Variants in DPEP2 observed in about 807,000 individuals in gnomAD.
The protein encoded by DPEP2 is dipeptidase 2.
DPEP2 carries 45 observed loss-of-function variants against 51.8 expected under a neutral mutation model. That is an observed-to-expected ratio of 0.87 (90% CI 0.68 to 1.11). The LOEUF is 1.11. Ranked by LOEUF, DPEP2 falls within the 50% of genes most tolerant of loss-of-function variation. The probability of loss-of-function intolerance (pLI) is 0.00; values close to 1 mark genes in which losing one functional copy is unlikely to be tolerated. For missense variants in DPEP2, 604 were observed against 631.9 expected, an observed-to-expected ratio of 0.96 and a Z score of 0.47; for synonymous variants, 255 against 262.7, an observed-to-expected ratio of 0.97 and a Z score of 0.28.
At position 67,994,862 on chromosome 16, in the gene DPEP2, A is replaced by T. The variant is rs1054176658; in HGVS notation, c.-45-1605T>A. ...AGGCAGATCGATGGCCGAGTGCTCG[A>T]GGTGGGTTAACTGTCACGTCTACTG... On this transcript the variant is annotated intron_variant, in intron 1 of 10. Transcript: ENST00000393847. 3 of 985,312 alleles carry T rather than the reference A, an allele frequency of 3.0e-6. No homozygotes were observed. In the African/African-American group the frequency reaches 5.2e-5, roughly 17 times the overall value. 61.0% of individuals were successfully genotyped at this position (985,312 alleles called of 1,614,324 possible).
chr16:68,000,511 C>T (rs1260347547), upstream of DPEP2: 1 of 984,836 alleles, frequency 1.0e-6, no homozygotes. Context: ...CCTGGAGACT[C>T]ATGCTTCCCT....
chr16:67,993,361 G>A, intron 1 of DPEP2, 104 bp from the exon 2 acceptor site: 1 of 1,303,380 alleles, frequency 7.7e-7, no homozygotes, highest in Non-Finnish European at 9.7e-7. Context: ...AAGTCACAGG[G>A]CCCCGCGAAG....
At position 67,991,729 on chromosome 16, in the gene DPEP2, C is replaced by A; in HGVS notation, c.662+109G>T. On this transcript the variant is annotated intron_variant, in intron 5 of 10. Coordinates refer to ENST00000393847, the MANE Select transcript of DPEP2 (RefSeq NM_022355.4). The surrounding 1 kb of genome is among the most constrained non-coding windows in gnomAD (Gnocchi z 5.1). ...AGAATCCCAGCTCCCCTCCCCACTC[C>A]AGAGTCAGTGCCACATCCCATGGGT... The A allele has an allele frequency of 6.8e-7, 1 of 1,476,516 alleles. No individual in the cohort carries two copies. 91.5% of individuals were successfully genotyped at this position (1,476,516 alleles called of 1,614,324 possible). A position where few individuals can be genotyped will look rare whatever the true frequency, so the allele number is the denominator to read the frequency against.
rs1023720941 is a variant in DPEP2 at position 67,993,656 on chromosome 16, G to A, written c.-45-399C>T. Reference sequence around the variant, plus strand: ...TCTGCCCTGCCCTGGGAGATCTGCAGACCACGTCATGTCCCCAACCGCCTG... The same window carrying A: ...TCTGCCCTGCCCTGGGAGATCTGCAAACCACGTCATGTCCCCAACCGCCTG... On this transcript the variant is annotated intron_variant, in intron 1 of 10. Transcript: ENST00000393847. 8.1e-6 allele frequency: 8 copies of A among 989,332 alleles called. No homozygotes were observed. The African/African-American group carries it at 1.4e-4, about 17-fold the overall frequency. The allele number at this position is 989,332 out of a possible 1,614,324, so 61.3% of individuals were successfully genotyped here.
chr16:67,993,495 CCTGT>C (rs1188837001), intron 1 of DPEP2: 25 of 1,209,630 alleles, frequency 2.1e-5, no homozygotes, highest in Non-Finnish European at 2.6e-5. Flanking sequence ...CCACTCGCGG[CCTGT>C]CTTAGGGCCC....
intron 7 of DPEP2, among the ~76,000 whole-genome samples, 190 bp downstream of exon 7, chr16:67,990,631 T>C (rs575295572): frequency 6.6e-6 from 1 of 152,194 alleles, no homozygotes; most frequent in African/African-American, 2.4e-5. Flanking sequence ...ACCCGGCTAA[T>C]TTTTGTATTT....
At chr16:67,988,188 C>G in intron 9 of DPEP2, 1 of 616,244 alleles carries the variant, frequency 1.6e-6, no homozygotes, top group Non-Finnish European at 2.8e-6. Flanking sequence ...CTTATTGAAT[C>G]ATACTATTAA....
At chr16:67,993,336 A>C in intron 1 of DPEP2, 79 bp from the exon 2 acceptor site, 1 of 1,320,190 alleles carries the variant, frequency 7.6e-7, no homozygotes, top group Non-Finnish European at 9.7e-7. Flanking sequence ...GCGTGGCCTC[A>C]AGAGGAGGGT....
At chr16:67,996,293 A>G (rs2032692232) in intron 1 of DPEP2, among the ~76,000 whole-genome samples, 1 of 151,636 alleles carries the variant, frequency 6.6e-6, no homozygotes, top group Non-Finnish European at 1.5e-5. Flanking sequence ...AAAAATAAGG[A>G]AGGGGTAGGT....
rs568980217 is a variant in DPEP2 at position 67,996,191 on chromosome 16, C to A, written c.-45-2934G>T. ...GTCTGGGACTACAGGTACTCGCCAC[C>A]ACACTCGGCTATTTTTTTTTTTTTT... On this transcript the variant is annotated intron_variant, in intron 1 of 10. Coordinates refer to ENST00000393847, the MANE Select transcript of DPEP2 (RefSeq NM_022355.4). Among the ~76,000 whole-genome samples the A allele has an allele frequency of 2.7e-5, 4 of 149,460 alleles. No individual in the cohort carries two copies. In the South Asian group the frequency reaches 8.7e-4, roughly 32 times the overall value.
chr16:67,995,174 A>G (rs2032613976), intron 1 of DPEP2, among the ~76,000 whole-genome samples: 1 of 151,930 alleles, frequency 6.6e-6, no homozygotes, highest in East Asian at 1.9e-4. Flanking sequence ...TGCTGGGATT[A>G]CTGGAGTGAG....
chr16:67,989,984 G>A (rs927533103), intron 8 of DPEP2, 63 bp downstream of exon 8: 18 of 1,564,476 alleles, frequency 1.2e-5, no homozygotes, highest in South Asian at 3.4e-5. Flanking sequence ...GACAGTCCTG[G>A]GGCCCTCCCA....
chr16:67,992,728 T>A (rs1474345704), intron 2 of DPEP2, 92 bp from the exon 3 acceptor site: 7 of 1,546,546 alleles, frequency 4.5e-6, no homozygotes, highest in Non-Finnish European at 5.3e-6. Flanking sequence ...GGGATCCCCA[T>A]CCCTCATTGT....
chr16:67,993,870 C>T, intron 1 of DPEP2: 1 of 985,514 alleles, frequency 1.0e-6, no homozygotes, highest in Non-Finnish European at 1.2e-6. Flanking sequence ...TCTCCCGTAA[C>T]TTAGGCCCTC....
chr16:67,993,044 TGCCCGGCATGGTGTGGGCTCTGGGGGC>T lies in DPEP2; in HGVS notation c.142_168del (p.Ala48_Gly56del). 2 of 1,582,644 alleles carry T rather than the reference TGCCCGGCATGGTGTGGGCTCTGGGGGC, an allele frequency of 1.3e-6. No homozygotes were observed. The highest frequency in any genetic ancestry group is 1.1e-5 in the South Asian group (1 of 87,210). On this transcript the variant is annotated inframe_deletion, in exon 2 of 11. Transcript: ENST00000393847. ...CTGAGTGTGGTCGAGGGAGCGTAGG[TGCCCGGCATGGTGTGGGCTCTGGGGGC>T]GCCCAGCGTGGTGAGGGCTCTGGGG...
rs899980255 is a variant in DPEP2, at chr16:67,992,513, G to T, written c.387C>A (p.Ala129=). The change falls in exon 3 of 11, where the codon GCC becomes GCA. Residue 129 remains alanine (A), a synonymous_variant. Coordinates refer to ENST00000393847, the MANE Select transcript of DPEP2 (RefSeq NM_022355.4). ...ACCTCGTGTATCCCTGTGGTACCTG[G>T]GCGCCCACGAGGCCATCTCTAAGCC... The part of the protein sequence containing the change: ...LDRLRDGLVG[A]QFWSAYVPCQ... 3.1e-6 allele frequency: 5 copies of T among 1,610,338 alleles called. No individual in the cohort carries two copies. Among genetic ancestry groups the T allele is most frequent in the African/African-American group, 2.7e-5 (2 of 74,832 alleles).
Position 67,992,964 on chromosome 16 carries a change from G to A in DPEP2, c.249C>T (p.Phe83=). The A allele has an allele frequency of 1.2e-6, 2 of 1,611,504 alleles. No individual in the cohort carries two copies. Among genetic ancestry groups the A allele is most frequent in the Non-Finnish European group, 1.7e-6 (2 of 1,178,804 alleles). The change falls in exon 2 of 11, where the codon TTC becomes TTT. Residue 83 remains phenylalanine (F), a synonymous_variant. Coordinates refer to ENST00000393847, the MANE Select transcript of DPEP2 (RefSeq NM_022355.4). ...QEQARALMRD[F]PLVDGHNDLP... is the part of the protein sequence containing the mutation. ...CAATTACGCACCCGTCCACGAGCGG[G>A]AAGTCCCGCATCAGGGCCCGTGCCT...
Position 67,992,556 on chromosome 16 carries a change from C to T in DPEP2, c.344G>A (p.Gly115Asp). The T allele has an allele frequency of 1.2e-6, 2 of 1,614,142 alleles. No individual in the cohort carries two copies. The highest frequency in any genetic ancestry group is 1.7e-6 in the Non-Finnish European group (2 of 1,179,992). ...QDVNLRNFSY[G>D]QTSLDRLRDG... ...TCTAAGCCTGTCCAGGCTGGTCTGG[C>T]CGTAGCTGAAATTGCGCAGGTTAAC... The change falls in exon 3 of 11, where the codon GGC (glycine) becomes GAC (aspartate). Residue 115 changes from glycine (G) to aspartate (D), a missense_variant. Coordinates refer to ENST00000393847, the MANE Select transcript of DPEP2 (RefSeq NM_022355.4).
At chr16:67,992,894 C>G in intron 2 of DPEP2, 56 bp downstream of exon 2, 1 of 1,556,466 alleles carries the variant, frequency 6.4e-7, no homozygotes, top group East Asian at 2.3e-5. Flanking sequence ...CTCTGGGACC[C>G]TCCCTTGCCC....
Sources: allele counts gnomAD v4.1 joint callset (sites outside exome capture counted in the v4.1 genomes callset), GRCh38; gene constraint gnomAD v4.1.1; non-coding constraint Gnocchi (gnomAD v3.1); transcripts MANE v1.5; gene names NCBI Gene and HGNC (gene_info 2026-07-23, HGNC 2026-07-21).